Variants in AHNAK observed in about 807,000 individuals in gnomAD.
AHNAK encodes AHNAK nucleoprotein.
AHNAK carries 23 observed loss-of-function variants against 37.8 expected under a neutral mutation model. That is an observed-to-expected ratio of 0.61 (90% CI 0.44 to 0.86). The LOEUF is 0.86. Among genes scored for constraint, AHNAK ranks in the 40% least tolerant of loss-of-function variants. The pLI is 0.00. For synonymous variants in AHNAK, 2,481 were observed against 2,636.3 expected, an observed-to-expected ratio of 0.94 and a Z score of 1.80; for missense variants, 7,411 against 7,319.4, an observed-to-expected ratio of 1.01 and a Z score of -0.46.
chr11:62,516,864 A>G lies in AHNAK; in HGVS notation c.17553T>C (p.Ser5851=). Residue 5851 remains serine (S), a synonymous_variant, in exon 5 of 5, where the codon AGT becomes AGC. Coordinates refer to ENST00000378024, the MANE Select transcript of AHNAK (RefSeq NM_001620.3). The part of the protein sequence containing the change: ...SDDETGKLQG[S]GVSLASKKSR... The stretch of plus-strand genomic sequence containing the variant: ...ACTTCTTAGAGGCCAGGGACACCCC[A>G]CTCCCCTGTAACTTGCCTGTCTCAT... 2 of 1,613,690 alleles carry G rather than the reference A, an allele frequency of 1.2e-6. No individual in the cohort carries two copies. The highest frequency in any genetic ancestry group is 1.7e-6 in the Non-Finnish European group (2 of 1,179,902).
Position 62,533,212 on chromosome 11 carries a change from G to A in AHNAK, c.1205C>T (p.Pro402Leu), listed in dbSNP as rs780086829. Residue 402 changes from proline to leucine, a missense_variant, in exon 5 of 5, where the codon CCC becomes CTC. Physicochemically the swap from Pro to Leu is moderately conservative, Grantham distance 98. Coordinates refer to ENST00000378024, the MANE Select transcript of AHNAK (RefSeq NM_001620.3). ...GCCAGTGATGCTACCCCCAATTTGG[G>A]GAGCAGAGGCATCCACCCCAATGTG... ...QGHIGVDASA[P>L]QIGGSITGPS... The A allele has an allele frequency of 3.3e-6, 5 of 1,526,482 alleles. No homozygotes were observed. The East Asian group carries it at 1.1e-4, about 34-fold the overall frequency. The allele number at this position is 1,526,482 out of a possible 1,614,324, so 94.6% of individuals were successfully genotyped here.
chr11:62,521,000 C>T lies in AHNAK; in HGVS notation c.13417G>A (p.Val4473Met). 4 of 1,614,112 alleles carry T rather than the reference C, an allele frequency of 2.5e-6. No individual in the cohort carries two copies. Among genetic ancestry groups the T allele is most frequent in the Non-Finnish European group, 3.4e-6 (4 of 1,180,018 alleles). The change falls in exon 5 of 5, where the codon GTG becomes ATG. Residue 4473 changes from valine (V) to methionine (M), a missense_variant. Coordinates refer to ENST00000378024, the MANE Select transcript of AHNAK (RefSeq NM_001620.3). ...AGTGAAACATCCACATCACCCTTCA[C>T]CTTGGGACCTTTCAGGTGCAAATCA... ...DFDLHLKGPK[V>M]KGDVDVSLPK... is the part of the protein sequence containing the mutation.
chr11:62,527,775 T>G lies in AHNAK; in HGVS notation c.6642A>C (p.Lys2214Asn), dbSNP rs144095765. The G allele has an allele frequency of 1.1e-5, 18 of 1,613,884 alleles. No individual in the cohort carries two copies. Among genetic ancestry groups the G allele is most frequent in the Non-Finnish European group, 1.4e-5 (17 of 1,180,014 alleles). The change falls in exon 5 of 5, where the codon AAA becomes AAC. Residue 2214 changes from lysine (K) to asparagine (N), a missense_variant. Coordinates refer to ENST00000378024, the MANE Select transcript of AHNAK (RefSeq NM_001620.3). ...GCCCTCTGATGTCAACATCTGGCAC[T>G]TTCATTTCACCTTCTACCTTGGGAA... ...VSVPKVEGEM[K>N]VPDVDIRGPK...
In AHNAK at chr11:62,519,416, G is replaced by C; in HGVS notation, c.15001C>G (p.Pro5001Ala). ...GTCTCAAGGTTCAGCTCTGCCTCAG[G>C]AACAGTGACATCCAGTGAAGGTGAC... ...IKSPSLDVTV[P>A]EAELNLETPE... Residue 5001 changes from proline (P) to alanine (A), a missense_variant, in exon 5 of 5, where the codon CCT becomes GCT. Coordinates refer to ENST00000378024, the MANE Select transcript of AHNAK (RefSeq NM_001620.3). 6.2e-7 allele frequency: 1 copy of C among 1,612,786 alleles called. No homozygotes were observed. Among genetic ancestry groups the C allele is most frequent in the South Asian group, 1.1e-5 (1 of 90,812 alleles).
chr11:62,538,877 G>A (rs958297939), intron 1 of AHNAK, among the ~76,000 whole-genome samples: 2 of 152,224 alleles, frequency 1.3e-5, no homozygotes, highest in Non-Finnish European at 2.9e-5. Context: ...CTCTGAGGAT[G>A]AGACTATGTC....
Position 62,519,034 on chromosome 11 carries a change from G to A in AHNAK, c.15383C>T (p.Ala5128Val), listed in dbSNP as rs1266483225. Residue 5128 changes from alanine to valine, a missense_variant, in exon 5 of 5, where the codon GCG (alanine) becomes GTG (valine). Coordinates refer to ENST00000378024, the MANE Select transcript of AHNAK (RefSeq NM_001620.3). ...QAPDLELSLP[A>V]IHVEGLDIKA... ...GATGTCAAGACCTTCGACGTGAATC[G>A]CTGGCAAAGAAAGTTCCAGATCAGG... 1.1e-5 allele frequency: 18 copies of A among 1,612,960 alleles called. No individual in the cohort carries two copies. Among genetic ancestry groups the A allele is most frequent in the Admixed American group, 3.3e-5 (2 of 59,950 alleles).
chr11:62,530,157 A>T lies in AHNAK; in HGVS notation c.4260T>A (p.Ala1420=). The T allele has an allele frequency of 6.2e-7, 1 of 1,613,766 alleles. No homozygotes were observed. The highest frequency in any genetic ancestry group is 8.5e-7 in the Non-Finnish European group (1 of 1,179,996). ...DVDVSGPKMD[A]EVPDVNIEGP... is the part of the protein sequence containing the mutation. ...CTTCAATATTCACATCTGGAACTTC[A>T]GCATCCATTTTGGGTCCTGAGACAT... The change falls in exon 5 of 5, where the codon GCT becomes GCA. Residue 1420 remains alanine, a synonymous_variant. Coordinates refer to ENST00000378024, the MANE Select transcript of AHNAK (RefSeq NM_001620.3).
intron 5 of AHNAK, among the ~76,000 whole-genome samples, chr11:62,482,108 T>C (rs1314245369): frequency 6.6e-6 from 1 of 152,086 alleles, no homozygotes; most frequent in Non-Finnish European, 1.5e-5. Context: ...TCTTCCTCCA[T>C]GAAACCTTCA....
At chr11:62,437,278 T>C (rs1305466485) in intron 5 of AHNAK, among the ~76,000 whole-genome samples, 1 of 152,234 alleles carries the variant, frequency 6.6e-6, no homozygotes, top group Non-Finnish European at 1.5e-5. Flanking sequence ...GAATTTGGGG[T>C]GTTTCAGGTT....
chr11:62,510,097 G>A (rs541317669), intron 4 of AHNAK, among the ~76,000 whole-genome samples: 29 of 151,728 alleles, frequency 1.9e-4, no homozygotes, highest in African/African-American at 6.3e-4. Flanking sequence ...TCACTCTGTC[G>A]CCCAGGCTGG....
downstream of AHNAK, among the ~76,000 whole-genome samples, chr11:62,512,169 G>C (rs1939927028): frequency 6.6e-6 from 1 of 152,096 alleles, no homozygotes; most frequent in Admixed American, 6.6e-5. This position sits in a 1 kb window ranked among gnomAD's most constrained non-coding sequence, Gnocchi z 4.0. Context: ...TTCTCTATCT[G>C]TTCCCTCCAC....
intron 4 of AHNAK, chr11:62,491,880 C>T (rs777828344): frequency 2.0e-6 from 3 of 1,531,800 alleles, no homozygotes; most frequent in Admixed American, 3.8e-5. Flanking sequence ...ATCATCCAAT[C>T]AATGAGCACT....
chr11:62,536,133 T>A, intron 2 of AHNAK, 35 bp from the exon 3 acceptor site: 1 of 1,530,478 alleles, frequency 6.5e-7, no homozygotes, highest in Non-Finnish European at 8.8e-7. Flanking sequence ...CTGGGGTCAG[T>A]GGGGGTGGGA....
chr11:62,463,384 G>A (rs117662863), intron 5 of AHNAK, among the ~76,000 whole-genome samples: 6 of 152,184 alleles, frequency 3.9e-5, no homozygotes, highest in East Asian at 1.9e-4. Context: ...AGCACTGCCC[G>A]GAAATGCTGC....
intron 5 of AHNAK, among the ~76,000 whole-genome samples, chr11:62,474,894 A>G (rs1939111484): frequency 6.6e-6 from 1 of 152,174 alleles, no homozygotes; most frequent in African/African-American, 2.4e-5. Flanking sequence ...ATCTGGCAAC[A>G]GGTAGGGAGG....
rs145348997 is a variant in AHNAK at position 62,532,383 on chromosome 11, T to C, written c.2034A>G (p.Gly678=). 9 of 1,613,838 alleles carry C rather than the reference T, an allele frequency of 5.6e-6. No homozygotes were observed. In the South Asian group the frequency reaches 8.8e-5, roughly 16 times the overall value. The change falls in exon 5 of 5, where the codon GGA becomes GGG. Residue 678 remains glycine (G), a synonymous_variant. Coordinates refer to ENST00000378024, the MANE Select transcript of AHNAK (RefSeq NM_001620.3). ...GCTTAACATCGGGGCCTTTAAGTTT[T>C]CCCCCCAGACCCTCCAAGTTGACAT... ...APDVNLEGLG[G]KLKGPDVKLP... is the part of the protein sequence containing the mutation.
intron 5 of AHNAK, among the ~76,000 whole-genome samples, chr11:62,469,278 C>T (rs1938979723): frequency 6.6e-6 from 1 of 152,060 alleles, no homozygotes; most frequent in Non-Finnish European, 1.5e-5. Flanking sequence ...CATGCCACCA[C>T]ACCCATCTAA....
At chr11:62,488,648 G>A (rs1939442450) in intron 5 of AHNAK, among the ~76,000 whole-genome samples, 2 of 150,642 alleles carry the variant, frequency 1.3e-5, no homozygotes, top group Admixed American at 6.6e-5. Context: ...CTGGCCTCAG[G>A]TGATCCACCC....
chr11:62,495,131 C>A (rs1939583909), intron 4 of AHNAK, among the ~76,000 whole-genome samples: 1 of 152,016 alleles, frequency 6.6e-6, no homozygotes, highest in Non-Finnish European at 1.5e-5. Context: ...CACACCACTG[C>A]ACTCTAGCCT....
Sources: allele counts gnomAD v4.1 joint callset (sites outside exome capture counted in the v4.1 genomes callset), GRCh38; gene constraint gnomAD v4.1.1; non-coding constraint Gnocchi (gnomAD v3.1); transcripts MANE v1.5; gene names NCBI Gene and HGNC (gene_info 2026-07-23, HGNC 2026-07-21).